Variants in CUL4A observed in about 807,000 individuals in gnomAD.
The protein encoded by CUL4A is cullin-4A.
Under a neutral mutation model 95.5 loss-of-function variants are expected in CUL4A, and 16 were observed. The ratio of observed to expected loss-of-function variants is 0.17; its 90% CI spans 0.11 to 0.25. The LOEUF (loss-of-function observed/expected upper bound fraction) is 0.25. Among genes scored for constraint, CUL4A ranks in the 10% least tolerant of loss-of-function variants. The pLI, the probability that CUL4A is intolerant of heterozygous loss-of-function variation, is 1.00. For synonymous variants in CUL4A, 380 were observed against 353.1 expected (o/e 1.08, Z -0.85); for missense variants, 610 against 937.0 (o/e 0.65, Z 4.56).
chr13:113,223,385 G>A (rs903348589), intron 3 of CUL4A, among the ~76,000 whole-genome samples: 2 of 151,752 alleles, frequency 1.3e-5, no homozygotes, highest in Non-Finnish European at 2.9e-5. Context: ...TAAGATTTAA[G>A]TAATTTGTTG....
At chr13:113,213,574 G>A in intron 2 of CUL4A, among the ~76,000 whole-genome samples, 1 of 152,168 alleles carries the variant, frequency 6.6e-6, no homozygotes, top group East Asian at 1.9e-4. Flanking sequence ...TTTTCCTGGA[G>A]ATTTGGCTGT....
intron 5 of CUL4A, among the ~76,000 whole-genome samples, chr13:113,231,290 T>C (rs1338361723): frequency 6.6e-6 from 1 of 152,192 alleles, no homozygotes; most frequent in African/African-American, 2.4e-5. Context: ...GGAGGAGGGC[T>C]GAGGGTGAAC....
chr13:113,225,970 G>GA (rs2041089595), intron 3 of CUL4A, among the ~76,000 whole-genome samples: 1 of 152,174 alleles, frequency 6.6e-6, no homozygotes, highest in South Asian at 2.1e-4. Flanking sequence ...AAAGCCTCAA[G>GA]AAAAAATAGA....
chr13:113,233,365 C>A (rs746183378), intron 6 of CUL4A, 26 bp downstream of exon 6: 2 of 1,597,604 alleles, frequency 1.3e-6, no homozygotes, highest in South Asian at 2.2e-5. Flanking sequence ...GCGGAAGATA[C>A]CTGGGTACCT....
intron 18 of CUL4A, among the ~76,000 whole-genome samples, chr13:113,258,452 G>A (rs1171691576): frequency 6.6e-6 from 1 of 152,006 alleles, no homozygotes; most frequent in East Asian, 1.9e-4. Context: ...ATTAAATCTT[G>A]TGATTCATAC....
intron 10 of CUL4A, among the ~76,000 whole-genome samples, chr13:113,241,096 C>T (rs1325352779): frequency 6.6e-6 from 1 of 152,196 alleles, no homozygotes; most frequent in Non-Finnish European, 1.5e-5. Context: ...AGCACCCCTC[C>T]CCACAAGGTC....
intron 19 of CUL4A, among the ~76,000 whole-genome samples, chr13:113,261,418 CA>C (rs2042272472): frequency 1.3e-5 from 2 of 152,180 alleles, no homozygotes; most frequent in African/African-American, 4.8e-5. Flanking sequence ...CCTCCCATTC[CA>C]TCAAGGGAAT....
chr13:113,209,600 G>A (rs1259525117), upstream of CUL4A: 3 of 1,008,250 alleles, frequency 3.0e-6, no homozygotes, highest in Non-Finnish European at 3.5e-6. Context: ...CGGCGCTCGG[G>A]GCGGGGCGCG....
intron 15 of CUL4A, among the ~76,000 whole-genome samples, chr13:113,247,193 C>CCCT (rs754734346): frequency 3.0e-4 from 45 of 152,064 alleles, no homozygotes; most frequent in Non-Finnish European, 4.4e-4. Context: ...AGGGATCCAC[C>CCCT]CCCATGACCC....
chr13:113,256,839 C>T (rs1195568599), intron 18 of CUL4A, among the ~76,000 whole-genome samples: 1 of 147,882 alleles, frequency 6.8e-6, no homozygotes, highest in African/African-American at 2.5e-5. Flanking sequence ...AAGTCATATG[C>T]ATTCATTATA....
At chr13:113,209,496 C>T (rs2040250253), upstream of CUL4A, 1 of 479,948 alleles carries the variant, frequency 2.1e-6, no homozygotes, top group Non-Finnish European at 2.7e-6. Flanking sequence ...GGCGGTTGGG[C>T]TCGGGCACGC....
chr13:113,251,649 C>T (rs1293755615), intron 15 of CUL4A, among the ~76,000 whole-genome samples: 1 of 152,150 alleles, frequency 6.6e-6, no homozygotes, highest in Non-Finnish European at 1.5e-5. Flanking sequence ...GTAGCACCTC[C>T]CCCTTCTCTC....
At position 113,232,405 on chromosome 13, in the gene CUL4A, A is replaced by ACTACCCGC. The variant is rs1352618178; in HGVS notation, c.513-771_513-770insTACCCGCC. Among the ~76,000 whole-genome samples the ACTACCCGC allele has an allele frequency of 1.3e-3, 104 of 82,574 alleles. 1 individual carries two copies. Among genetic ancestry groups the ACTACCCGC allele is most frequent in the Non-Finnish European group, 2.1e-3 (71 of 33,494 alleles). 54.2% of individuals were successfully genotyped at this position (82,574 alleles called of 152,430 possible). On this transcript the variant is annotated intron_variant, in intron 5 of 19. Coordinates refer to ENST00000375440, the MANE Select transcript of CUL4A (RefSeq NM_001008895.4). ...CCACCACTATATTACTGCTGCCACCACCACCACTATTACTATTACTGCCAC... is the reference window on the plus strand; with the variant it reads ...CCACCACTATATTACTGCTGCCACCACTACCCGCCCACCACTATTACTATTACTGCCAC...
Position 113,240,260 on chromosome 13 carries a change from G to T in CUL4A, c.1035+709G>T, listed in dbSNP as rs57648638. On this transcript the variant is annotated intron_variant, in intron 10 of 19. Transcript: ENST00000375440. ...GAACAGAGAGGGTGCGGCTTGCTTT[G>T]CTGGGCAGCACCAGGGGTGCTGCTG... 1.0e-3 allele frequency among the ~76,000 whole-genome samples: 152 copies of T among 150,114 alleles called. 1 individual carries two copies. In the East Asian group the frequency reaches 0.028, roughly 28 times the overall value.
chr13:113,215,463 CCTATGGAGGTCGCTATGTGA>C (rs1181647695), intron 2 of CUL4A, among the ~76,000 whole-genome samples: 1 of 116,974 alleles, frequency 8.5e-6, no homozygotes, highest in East Asian at 2.7e-4. Flanking sequence ...TTACTGTGTG[CCTATGGAGGTCGCTATGTGA>C]CTATGGAGGT....
At chr13:113,250,646 T>C (rs1022224302) in intron 15 of CUL4A, among the ~76,000 whole-genome samples, 8 of 152,088 alleles carry the variant, frequency 5.3e-5, no homozygotes, top group Non-Finnish European at 1.5e-5. Flanking sequence ...CCCAAGGAGA[T>C]GGTTTTTAGG....
chr13:113,254,399 C>G lies in CUL4A; in HGVS notation c.1753-294C>G, dbSNP rs559175084. Reference sequence around the variant, plus strand: ...GGATCACAAGGTCAGGAGATCGAGACCATCCTGGCTAACACAGTGGAACTC... The same window carrying G: ...GGATCACAAGGTCAGGAGATCGAGAGCATCCTGGCTAACACAGTGGAACTC... On this transcript the variant is annotated intron_variant, in intron 16 of 19. Coordinates refer to ENST00000375440, the MANE Select transcript of CUL4A (RefSeq NM_001008895.4). 2.0e-5 allele frequency among the ~76,000 whole-genome samples: 3 copies of G among 152,238 alleles called. No homozygotes were observed. In the East Asian group the frequency reaches 5.8e-4, roughly 29 times the overall value.
chr13:113,260,705 T>C lies in CUL4A; in HGVS notation c.2130T>C (p.Leu710=), dbSNP rs750069516. ...GAATAATGAAGATGAGAAAGACTCTTGGTCATAATCTTCTAGTTTCTGAAT... is the reference window on the plus strand; with the variant it reads ...GAATAATGAAGATGAGAAAGACTCTCGGTCATAATCTTCTAGTTTCTGAAT... ...IVRIMKMRKT[L]GHNLLVSELY... Residue 710 remains leucine (L), a synonymous_variant, in exon 19 of 20, where the codon CTT becomes CTC. Coordinates refer to ENST00000375440, the MANE Select transcript of CUL4A (RefSeq NM_001008895.4). The C allele has an allele frequency of 1.2e-6, 2 of 1,609,792 alleles. No individual in the cohort carries two copies. The highest frequency in any genetic ancestry group is 1.7e-6 in the Non-Finnish European group (2 of 1,177,738).
intron 10 of CUL4A, among the ~76,000 whole-genome samples, chr13:113,239,933 A>G (rs1236488937): frequency 6.6e-6 from 1 of 152,238 alleles, no homozygotes; most frequent in African/African-American, 2.4e-5. Context: ...GAGAACTATT[A>G]TATATTTGGC....
Sources: gnomAD v4.1 joint callset for allele counts (sites outside exome capture counted in the v4.1 genomes callset) on GRCh38, gnomAD v4.1.1 for gene constraint, MANE v1.5 for transcripts, NCBI Gene and HGNC (gene_info 2026-07-23, HGNC 2026-07-21) for gene names.